The following MAMSTR variants were observed in gnomAD, a reference collection of about 807,000 sequenced individuals.
MAMSTR encodes the protein MEF2-activating motif and SAP domain-containing transcriptional regulator.
MAMSTR carries 41 observed loss-of-function variants against 42.7 expected under a neutral mutation model. The observed-to-expected ratio is 0.96, with a 90% CI of 0.75 to 1.25. The LOEUF (loss-of-function observed/expected upper bound fraction) is 1.25. MAMSTR is among the 50% of genes most tolerant of loss of function. The pLI is 0.00. For missense variants in MAMSTR, 567 were observed against 557.6 expected (o/e 1.02, Z -0.17); for synonymous variants, 265 against 244.1 (o/e 1.09, Z -0.80).
Position 48,713,344 on chromosome 19 carries a change from G to T in MAMSTR, c.1171C>A (p.Pro391Thr), listed in dbSNP as rs550062222. The change falls in exon 10 of 10, where the codon CCC becomes ACC. Residue 391 changes from proline to threonine, a missense_variant. Physicochemically the swap from Pro to Thr is conservative, Grantham distance 38. Coordinates refer to ENST00000318083, the MANE Select transcript of MAMSTR (RefSeq NM_001130915.2). ...AAGTCAGCGGAGAAGATGCTGGGGGGTGGGGGACCAGAACCCAGAGGAGGA... is the reference window on the plus strand; with the variant it reads ...AAGTCAGCGGAGAAGATGCTGGGGGTTGGGGGACCAGAACCCAGAGGAGGA... ...GGPPLGSGPP[P>T]PSIFSADLSD... 16 of 1,608,900 alleles carry T rather than the reference G, an allele frequency of 9.9e-6. No individual in the cohort carries two copies. The highest frequency in any genetic ancestry group is 1.7e-4 in the Middle Eastern group (1 of 5,960).
intron 9 of MAMSTR, 27 bp from the exon 10 acceptor site, chr19:48,713,577 C>T: frequency 6.2e-7 from 1 of 1,603,464 alleles, no homozygotes; most frequent in Non-Finnish European, 8.5e-7. Flanking sequence ...GGTACATGAG[C>T]TTGGAAAGTC....
chr19:48,715,280 G>T lies in MAMSTR; in HGVS notation c.407C>A (p.Ser136Ter). 1 of 1,592,208 alleles carries T rather than the reference G, an allele frequency of 6.3e-7. No individual in the cohort carries two copies. Among genetic ancestry groups the T allele is most frequent in the Non-Finnish European group, 8.5e-7 (1 of 1,170,458 alleles). ...GTCATACCTAGGATGTGGCTGCTGC[G>T]AGTCTGTCCCTTCCCACAGAGATGG... ...PGPSLWEGTD[S>*]QQPHPRMKPS... Residue 136 changes from serine (S) to a stop codon, truncating the protein, a stop_gained, in exon 5 of 10, where the codon TCG becomes TAG. Coordinates refer to ENST00000318083, the MANE Select transcript of MAMSTR (RefSeq NM_001130915.2). LOFTEE classifies it high-confidence loss of function.
At chr19:48,711,797 G>A (rs1438273887), downstream of MAMSTR, among the ~76,000 whole-genome samples, 1 of 145,326 alleles carries the variant, frequency 6.9e-6, no homozygotes, top group Non-Finnish European at 1.5e-5. Flanking sequence ...CCAGGCTGGA[G>A]TGTGGTGGCA....
At chr19:48,711,747 T>TG (rs1398450500), downstream of MAMSTR, among the ~76,000 whole-genome samples, 23 of 139,248 alleles carry the variant, frequency 1.7e-4, no homozygotes, top group African/African-American at 5.1e-4. Context: ...TAGTTTTTTT[T>TG]TTTTTTTTTT....
downstream of MAMSTR, among the ~76,000 whole-genome samples, chr19:48,708,781 C>T (rs75465285): frequency 0.028 from 4,320 of 151,830 alleles, 96 homozygotes; most frequent in Non-Finnish European, 0.046. Context: ...GACGAGTGCC[C>T]GAGACACAGA....
rs1215083411 is a variant in MAMSTR, at chr19:48,713,566, T to A, written c.965-16A>T. The A allele has an allele frequency of 6.2e-7, 1 of 1,608,110 alleles. No homozygotes were observed. Among genetic ancestry groups the A allele is most frequent in the Non-Finnish European group, 8.5e-7 (1 of 1,177,388 alleles). ...GGCAGGGGGTCTGCGGGATAAAGAA[T>A]GGTACATGAGCTTGGAAAGTCAGGG... On this transcript the variant is annotated splice_polypyrimidine_tract_variant and intron_variant, in intron 9 of 9. Transcript: ENST00000318083.
chr19:48,707,280 G>C, the MAMSTR span, among the ~76,000 whole-genome samples: 2 of 151,952 alleles, frequency 1.3e-5, no homozygotes, highest in Non-Finnish European at 2.9e-5. Flanking sequence ...AGCTGCTGTG[G>C]TGGCACGCAC....
At chr19:48,707,751 G>A (rs893926997), downstream of MAMSTR, among the ~76,000 whole-genome samples, 2 of 140,824 alleles carry the variant, frequency 1.4e-5, no homozygotes, top group South Asian at 4.5e-4. Flanking sequence ...GAGAGAGAGA[G>A]AAAAGAGAGA....
intron 7 of MAMSTR, 108 bp downstream of exon 7, chr19:48,714,258 A>C (rs1601248371): frequency 3.8e-6 from 4 of 1,063,492 alleles, no homozygotes; most frequent in South Asian, 4.7e-5. Flanking sequence ...AAGGCTTCCT[A>C]CCGCTGGTCC....
chr19:48,713,668 CA>C (rs2032827956), intron 9 of MAMSTR, 47 bp downstream of exon 9: 2 of 1,611,984 alleles, frequency 1.2e-6, no homozygotes, highest in African/African-American at 1.3e-5. Context: ...CGCAGGAGTC[CA>C]GAACCTCAGC....
the MAMSTR span, among the ~76,000 whole-genome samples, chr19:48,707,583 A>ATACAAAAATTAGCCAGGCGTG: frequency 6.0e-5 from 9 of 149,440 alleles, no homozygotes; most frequent in African/African-American, 2.0e-4. Flanking sequence ...TGTGCTAAAA[A>ATACAAAAATTAGCCAGGCGTG]TACAAAAATT....
chr19:48,708,710 G>C (rs1209157142), downstream of MAMSTR, among the ~76,000 whole-genome samples: 1 of 152,178 alleles, frequency 6.6e-6, no homozygotes, highest in East Asian at 1.9e-4. Flanking sequence ...GCCCACTCTG[G>C]ATGCAGGCGA....
At chr19:48,715,087 C>T (rs771559391) in intron 5 of MAMSTR, among the ~76,000 whole-genome samples, 175 bp downstream of exon 5, 1 of 151,774 alleles carries the variant, frequency 6.6e-6, no homozygotes, top group Non-Finnish European at 1.5e-5. Flanking sequence ...AGGAACTAGG[C>T]GTTCAGACTC....
downstream of MAMSTR, among the ~76,000 whole-genome samples, chr19:48,711,749 T>TATTTTTTATTA (rs1208602579): frequency 2.1e-5 from 3 of 143,110 alleles, no homozygotes; most frequent in African/African-American, 7.8e-5. Flanking sequence ...GTTTTTTTTT[T>TATTTTTTATTA]TTTTTTTTTT....
chr19:48,711,274 C>CG (rs1568464885), downstream of MAMSTR, among the ~76,000 whole-genome samples: 1 of 152,114 alleles, frequency 6.6e-6, no homozygotes, highest in Non-Finnish European at 1.5e-5. Flanking sequence ...CTAGTTATCC[C>CG]GGGGGAGAGG....
chr19:48,714,215 C>T (rs2032873798), intron 7 of MAMSTR, 151 bp downstream of exon 7: 1 of 973,322 alleles, frequency 1.0e-6, no homozygotes, highest in East Asian at 2.9e-5. Context: ...AAGATCCGCC[C>T]CCTGTTAGTC....
chr19:48,706,158 A>C, the MAMSTR span, among the ~76,000 whole-genome samples: 5 of 150,894 alleles, frequency 3.3e-5, no homozygotes, highest in Admixed American at 6.6e-5. Flanking sequence ...GTGGTGGTGC[A>C]GACCTGTAGT....
Position 48,715,752 on chromosome 19 carries a change from G to C in MAMSTR, c.113C>G (p.Pro38Arg), listed in dbSNP as rs745553465. 7 of 1,542,028 alleles carry C rather than the reference G, an allele frequency of 4.5e-6. No homozygotes were observed. The highest frequency in any genetic ancestry group is 1.2e-5 in the South Asian group (1 of 83,096). The change falls in exon 4 of 10, where the codon CCG (proline) becomes CGG (arginine). Residue 38 changes from proline (P) to arginine (R), a missense_variant. Transcript: ENST00000318083. ...AGGAGGGTCTGAGGCTGAGATCCAC[G>C]GGTCCGGATCCGAGACTGGAGAGAC... Reference protein sequence around the residue: ...RNQEQISDPDPWISASDPPLA... With the variant: ...RNQEQISDPDRWISASDPPLA...
chr19:48,715,649 A>C lies in MAMSTR; in HGVS notation c.216T>G (p.Cys72Trp). Residue 72 changes from cysteine (C) to tryptophan (W), a missense_variant, in exon 4 of 10, where the codon TGT becomes TGG. By Grantham distance (215) the Cys-to-Trp change is radical. Transcript: ENST00000318083. ...PGVLLPEPEY[C>W]PPWRSPKKES... ...CCTTCTTTGGGGACCTCCAAGGAGG[A>C]CAATATTCTGGCTCGGGGAGCAGGA... 1 of 1,543,892 alleles carries C rather than the reference A, an allele frequency of 6.5e-7. No individual in the cohort carries two copies.
Sources: gnomAD v4.1 joint callset for allele counts (sites outside exome capture counted in the v4.1 genomes callset) on GRCh38, gnomAD v4.1.1 for gene constraint, MANE v1.5 for transcripts, NCBI Gene and HGNC (gene_info 2026-07-23, HGNC 2026-07-21) for gene names.